CSMD1: variants seen among roughly 807,000 people sequenced by gnomAD.
The protein encoded by CSMD1 is CUB and sushi domain-containing protein 1.
Under a neutral mutation model 417.5 loss-of-function variants are expected in CSMD1, and 213 were observed. The ratio of observed to expected loss-of-function variants is 0.51; its 90% CI spans 0.46 to 0.57. The LOEUF (loss-of-function observed/expected upper bound fraction) is 0.57, where lower values mean the gene tolerates loss of function less well. CSMD1 is among the 20% of genes least tolerant of loss of function. The pLI is 0.00. For synonymous variants in CSMD1, 2,862 were observed against 1,736.8 expected (o/e 1.65, Z -16.11); for missense variants, 6,923 against 4,529.7 (o/e 1.53, Z -15.17).
intron 1 of CSMD1, among the ~76,000 whole-genome samples, chr8:4,784,031 G>A (rs867802353): frequency 3.9e-5 from 6 of 152,176 alleles, no homozygotes; most frequent in South Asian, 2.1e-4. Context: ...TAAAAAAAGT[G>A]TATTTGATAA....
At chr8:4,598,954 G>C (rs1160795005) in intron 2 of CSMD1, among the ~76,000 whole-genome samples, 3 of 152,134 alleles carry the variant, frequency 2.0e-5, no homozygotes, top group African/African-American at 7.2e-5. Context: ...TAAATCAAAT[G>C]TTAAACCAAT....
chr8:4,988,104 A>G (rs2117465277), intron 1 of CSMD1, among the ~76,000 whole-genome samples: 1 of 152,308 alleles, frequency 6.6e-6, no homozygotes, highest in East Asian at 1.9e-4. Flanking sequence ...TAATACAGTG[A>G]AAAAAACTGG....
chr8:3,923,429 G>C (rs1485545156), intron 5 of CSMD1, among the ~76,000 whole-genome samples: 2 of 151,742 alleles, frequency 1.3e-5, no homozygotes, highest in East Asian at 3.9e-4. Context: ...ATATTAATTT[G>C]CTTATTGGAT....
At chr8:4,714,636 G>A (rs1260011828) in intron 1 of CSMD1, among the ~76,000 whole-genome samples, 1 of 36,706 alleles carries the variant, frequency 2.7e-5, no homozygotes, top group African/African-American at 1.1e-4. Context: ...AAAAACACAG[G>A]CCCTTTCCCC....
intron 3 of CSMD1, among the ~76,000 whole-genome samples, chr8:4,380,130 A>T (rs1043343230): frequency 6.6e-6 from 1 of 152,220 alleles, no homozygotes; most frequent in Non-Finnish European, 1.5e-5. Context: ...GTTGAATTCT[A>T]AATAGTTTCT....
intron 3 of CSMD1, among the ~76,000 whole-genome samples, chr8:4,243,125 C>T (rs973832249): frequency 2.0e-5 from 3 of 151,928 alleles, no homozygotes; most frequent in African/African-American, 7.3e-5. Flanking sequence ...GAAAATCAGA[C>T]AAATTGAGCA....
At chr8:3,464,784 T>G (rs952879651) in intron 12 of CSMD1, among the ~76,000 whole-genome samples, 1 of 152,136 alleles carries the variant, frequency 6.6e-6, no homozygotes. Flanking sequence ...TCTTAGCATT[T>G]GGGCTTTTGA....
intron 5 of CSMD1, among the ~76,000 whole-genome samples, chr8:3,784,036 G>C (rs978172129): frequency 6.6e-6 from 1 of 152,182 alleles, no homozygotes; most frequent in Non-Finnish European, 1.5e-5. Context: ...CAACATGCCT[G>C]ACAGCACTGT....
At chr8:3,631,652 T>C (rs1188980112) in intron 7 of CSMD1, among the ~76,000 whole-genome samples, 1 of 152,176 alleles carries the variant, frequency 6.6e-6, no homozygotes, top group Non-Finnish European at 1.5e-5. Context: ...TTTTAGCCAG[T>C]CCAGCTCAGG....
chr8:4,442,930 G>T (rs1218956175), intron 2 of CSMD1, among the ~76,000 whole-genome samples: 1 of 152,036 alleles, frequency 6.6e-6, no homozygotes, highest in Admixed American at 6.6e-5. Context: ...AATGATATTT[G>T]TCCCTCAACG....
At chr8:4,325,134 T>C (rs937371896) in intron 3 of CSMD1, among the ~76,000 whole-genome samples, 2 of 152,076 alleles carry the variant, frequency 1.3e-5, no homozygotes, top group African/African-American at 2.4e-5. Flanking sequence ...TATGCAATCA[T>C]GAATGCTGAC....
At chr8:3,486,091 T>C (rs557700225) in intron 11 of CSMD1, among the ~76,000 whole-genome samples, 1 of 152,182 alleles carries the variant, frequency 6.6e-6, no homozygotes, top group Non-Finnish European at 1.5e-5. Context: ...GAAACAATAC[T>C]GGTGCATTAA....
intron 17 of CSMD1, among the ~76,000 whole-genome samples, chr8:3,392,575 G>C (rs1811415515): frequency 6.6e-6 from 1 of 151,946 alleles, no homozygotes; most frequent in Admixed American, 6.6e-5. Flanking sequence ...GCTTGCCTGT[G>C]GGTTTTCTCT....
chr8:3,054,982 C>T (rs148626717), intron 49 of CSMD1, among the ~76,000 whole-genome samples: 125 of 152,264 alleles, frequency 8.2e-4, no homozygotes, highest in African/African-American at 2.9e-3. Flanking sequence ...GCTTCCTCAT[C>T]ATTTTCTCTC....
At position 4,193,186 on chromosome 8, in the gene CSMD1, T is replaced by C. The variant is rs1458229383; in HGVS notation, c.416-161087A>G. On this transcript the variant is annotated intron_variant, in intron 3 of 69. Coordinates refer to ENST00000635120, the MANE Select transcript of CSMD1 (RefSeq NM_033225.6). ...TACCATGCATTTAACCTCAGCTCTTTGGAGTCATAAGCAGGGCTGAAAGCA... is the reference window on the plus strand; with the variant it reads ...TACCATGCATTTAACCTCAGCTCTTCGGAGTCATAAGCAGGGCTGAAAGCA... 2.6e-5 allele frequency among the ~76,000 whole-genome samples: 4 copies of C among 152,144 alleles called. No homozygotes were observed. In the East Asian group the frequency reaches 5.8e-4, roughly 22 times the overall value.
intron 1 of CSMD1, among the ~76,000 whole-genome samples, chr8:4,884,565 G>T (rs1388893055): frequency 6.6e-6 from 1 of 151,620 alleles, no homozygotes; most frequent in Non-Finnish European, 1.5e-5. Flanking sequence ...AGATGGATTG[G>T]GCTTCGACTT....
At chr8:4,645,838 C>T (rs543073702) in intron 1 of CSMD1, among the ~76,000 whole-genome samples, 9 of 152,170 alleles carry the variant, frequency 5.9e-5, no homozygotes, top group Admixed American at 5.2e-4. Flanking sequence ...CACAGGGAGG[C>T]TTCATGGCAC....
At chr8:4,553,853 G>A (rs1457064257) in intron 2 of CSMD1, among the ~76,000 whole-genome samples, 1 of 152,120 alleles carries the variant, frequency 6.6e-6, no homozygotes, top group Non-Finnish European at 1.5e-5. Context: ...GGAAGACACA[G>A]GACTGGGTTA....
chr8:4,132,847 A>G (rs1173781910), intron 3 of CSMD1, among the ~76,000 whole-genome samples: 4 of 152,214 alleles, frequency 2.6e-5, no homozygotes, highest in Admixed American at 2.6e-4. Context: ...TTGTAGCTCA[A>G]GACAACTAGG....
Sources: allele counts gnomAD v4.1 joint callset (sites outside exome capture counted in the v4.1 genomes callset), GRCh38; gene constraint gnomAD v4.1.1; transcripts MANE v1.5; gene names NCBI Gene and HGNC (gene_info 2026-07-23, HGNC 2026-07-21).